Variants in SV2B observed in about 807,000 individuals in gnomAD.
SV2B encodes the protein solute carrier family 22 member B2.
SV2B carries 41 observed loss-of-function variants against 73.9 expected under a neutral mutation model. The ratio of observed to expected loss-of-function variants is 0.56; its 90% confidence interval spans 0.43 to 0.72. The LOEUF (loss-of-function observed/expected upper bound fraction) is 0.72, where lower values mean the gene tolerates loss of function less well. SV2B is among the 30% of genes least tolerant of loss of function. The probability of loss-of-function intolerance (pLI) is 0.00; values close to 1 mark genes in which losing one functional copy is unlikely to be tolerated. For missense variants in SV2B, 764 were observed against 857.8 expected (o/e 0.89, Z 1.37); for synonymous variants, 314 against 314.2 (o/e 1.00, Z 0.01).
chr15:91,181,529 C>A (rs1465314099), intron 1 of SV2B, among the ~76,000 whole-genome samples: 2 of 151,572 alleles, frequency 1.3e-5, no homozygotes, highest in African/African-American at 4.8e-5. Flanking sequence ...ACAGATTCAA[C>A]CATGACTCCT....
In SV2B at chr15:91,246,389, A is replaced by C. The variant is rs117443886; in HGVS notation, c.452-5430A>C. Among the ~76,000 whole-genome samples the C allele has an allele frequency of 3.3e-5, 5 of 152,282 alleles. No homozygotes were observed. The East Asian group carries it at 9.6e-4, about 29-fold the overall frequency. On this transcript the variant is annotated intron_variant, in intron 2 of 12. Coordinates refer to ENST00000394232, the MANE Select transcript of SV2B (RefSeq NM_001323032.3). ...CAATAGCAGCTTTTATTAAATGTGC[A>C]TTTACTTTGGTGCCAGGCATTTTGC...
chr15:91,287,591 A>G (rs189456966), intron 11 of SV2B, among the ~76,000 whole-genome samples: 5 of 152,164 alleles, frequency 3.3e-5, no homozygotes, highest in African/African-American at 1.2e-4. Flanking sequence ...TATCAGCTCT[A>G]TAAGGGCTGT....
rs1263705005 is a variant in SV2B, at chr15:91,141,387, G to A, written c.-392+41024G>A. ...TCAGGAAGACTTGGAGTTTTCAGGA[G>A]CATCTTAGTAGTTTAGCTTTCTAAC... On this transcript the variant is annotated intron_variant, in intron 1 of 12. Transcript: ENST00000394232. This position sits in a 1 kb window ranked among gnomAD's most constrained non-coding sequence, Gnocchi z 4.6. 6.6e-6 allele frequency among the ~76,000 whole-genome samples: 1 copy of A among 152,204 alleles called. No individual in the cohort carries two copies. Among genetic ancestry groups the A allele is most frequent in the Non-Finnish European group, 1.5e-5 (1 of 68,040 alleles).
At chr15:91,135,849 A>G (rs2042806388) in intron 1 of SV2B, among the ~76,000 whole-genome samples, 1 of 152,200 alleles carries the variant, frequency 6.6e-6, no homozygotes, top group Admixed American at 6.5e-5. Context: ...CTAGCAGTTC[A>G]TGAAGCCTGA....
chr15:91,251,178 G>A (rs908657830), intron 2 of SV2B, among the ~76,000 whole-genome samples: 2 of 152,124 alleles, frequency 1.3e-5, no homozygotes, highest in African/African-American at 4.8e-5. Flanking sequence ...TCCAACAAAA[G>A]TGCCAAGAAC....
At chr15:91,173,389 A>G (rs1183719782) in intron 1 of SV2B, among the ~76,000 whole-genome samples, 1 of 152,150 alleles carries the variant, frequency 6.6e-6, no homozygotes, top group East Asian at 1.9e-4. Context: ...AAGCCACTGG[A>G]GAGGCTTAGG....
chr15:91,258,862 C>T lies in SV2B; in HGVS notation c.918+308C>T, dbSNP rs2047801173. ...TGAGCTGCCTCATGGCACCCACTGT[C>T]CCCCGAGGTCCTGATTAGGAAGTTT... is the stretch of plus-strand genomic sequence containing the variant. On this transcript the variant is annotated intron_variant, in intron 5 of 12. Coordinates refer to ENST00000394232, the MANE Select transcript of SV2B (RefSeq NM_001323032.3). The surrounding 1 kb of genome is among the most constrained non-coding windows in gnomAD (Gnocchi z 4.7). 6.6e-6 allele frequency among the ~76,000 whole-genome samples: 1 copy of T among 151,566 alleles called. No homozygotes were observed. Among genetic ancestry groups the T allele is most frequent in the Non-Finnish European group, 1.5e-5 (1 of 67,928 alleles).
At chr15:91,161,269 A>G (rs934315644) in intron 1 of SV2B, among the ~76,000 whole-genome samples, 2 of 134,772 alleles carry the variant, frequency 1.5e-5, no homozygotes, top group African/African-American at 2.8e-5. Context: ...ATCAAACCAT[A>G]AAACTGAAAT....
chr15:91,235,573 G>A (rs576932019), intron 2 of SV2B, among the ~76,000 whole-genome samples: 145 of 152,234 alleles, frequency 9.5e-4, no homozygotes, highest in African/African-American at 3.3e-3. Flanking sequence ...CTCTCGAGGA[G>A]AAGTTCTTGC....
chr15:91,117,529 G>T (rs1450748267), intron 1 of SV2B, among the ~76,000 whole-genome samples: 1 of 152,206 alleles, frequency 6.6e-6, no homozygotes, highest in South Asian at 2.1e-4. Context: ...TCAAGTTCAG[G>T]TCTGCTCCAG....
intron 1 of SV2B, among the ~76,000 whole-genome samples, chr15:91,108,819 C>T (rs924544487): frequency 2.6e-5 from 4 of 152,200 alleles, no homozygotes; most frequent in East Asian, 1.9e-4. Flanking sequence ...TTACAGGTAA[C>T]GCAACAGTGT....
chr15:91,183,643 G>C (rs2044666916), intron 1 of SV2B, among the ~76,000 whole-genome samples: 1 of 152,160 alleles, frequency 6.6e-6, no homozygotes. Flanking sequence ...TGTTGAATTG[G>C]TTTTATTGAG....
rs1390824584 is a variant in SV2B at position 91,240,659 on chromosome 15, C to T, written c.452-11160C>T. On this transcript the variant is annotated intron_variant, in intron 2 of 12. Transcript: ENST00000394232. This position sits in a 1 kb window ranked among gnomAD's most constrained non-coding sequence, Gnocchi z 4.6. Reference sequence around the variant, plus strand: ...CATTTTTTCTCCCCAGTACTACCAGCCTTGCCACCAAGATCAGGACTAATT... The same window carrying T: ...CATTTTTTCTCCCCAGTACTACCAGTCTTGCCACCAAGATCAGGACTAATT... Among the ~76,000 whole-genome samples the T allele has an allele frequency of 1.3e-5, 2 of 152,144 alleles. No homozygotes were observed. Among genetic ancestry groups the T allele is most frequent in the South Asian group, 2.1e-4 (1 of 4,818 alleles).
At chr15:91,256,795 G>T (rs531453221) in intron 4 of SV2B, among the ~76,000 whole-genome samples, 1 of 152,174 alleles carries the variant, frequency 6.6e-6, no homozygotes, top group Non-Finnish European at 1.5e-5. Flanking sequence ...CCTCTACCTA[G>T]TCTTTTAATT....
At chr15:91,174,893 G>A (rs565303229) in intron 1 of SV2B, among the ~76,000 whole-genome samples, 4 of 152,276 alleles carry the variant, frequency 2.6e-5, no homozygotes, top group East Asian at 3.9e-4. Context: ...AGACCCCGTC[G>A]TCTTGGTCTG....
intron 1 of SV2B, among the ~76,000 whole-genome samples, chr15:91,196,263 A>T (rs543825033): frequency 2.2e-4 from 33 of 152,350 alleles, no homozygotes; most frequent in African/African-American, 7.7e-4. Flanking sequence ...GAAAACAACA[A>T]GGTTCTCTGT....
At chr15:91,248,205 C>CTAGGG (rs1374325743) in intron 2 of SV2B, among the ~76,000 whole-genome samples, 1 of 152,038 alleles carries the variant, frequency 6.6e-6, no homozygotes, top group East Asian at 1.9e-4. Context: ...CCTGTAGTCC[C>CTAGGG]AGCTACTAGG....
At position 91,118,960 on chromosome 15, in the gene SV2B, G is replaced by T. The variant is rs1201354656; in HGVS notation, c.-392+18597G>T. On this transcript the variant is annotated intron_variant, in intron 1 of 12. Coordinates refer to ENST00000394232, the MANE Select transcript of SV2B (RefSeq NM_001323032.3). The surrounding 1 kb of genome is among the most constrained non-coding windows in gnomAD (Gnocchi z 4.7). ...CTGTCTCGGCTTGGAGGCAGGGCCTGTGGGGGTGGGCGTGCTGGCTGATCC... is the reference window on the plus strand; with the variant it reads ...CTGTCTCGGCTTGGAGGCAGGGCCTTTGGGGGTGGGCGTGCTGGCTGATCC... Among the ~76,000 whole-genome samples, 1 of 152,196 alleles carries T rather than the reference G, an allele frequency of 6.6e-6. No individual in the cohort carries two copies. Among genetic ancestry groups the T allele is most frequent in the African/African-American group, 2.4e-5 (1 of 41,436 alleles).
intron 1 of SV2B, among the ~76,000 whole-genome samples, chr15:91,104,861 A>G (rs1463467278): frequency 6.6e-6 from 1 of 152,048 alleles, no homozygotes; most frequent in Non-Finnish European, 1.5e-5. Flanking sequence ...CAAACTCCTG[A>G]CCTCAGATGA....
Sources: gnomAD v4.1 joint callset for allele counts (sites outside exome capture counted in the v4.1 genomes callset) on GRCh38, gnomAD v4.1.1 for gene constraint, Gnocchi (gnomAD v3.1) non-coding constraint, MANE v1.5 for transcripts, NCBI Gene and HGNC (gene_info 2026-07-23, HGNC 2026-07-21) for gene names.